GABRR2: variants seen among roughly 807,000 people sequenced by gnomAD.
GABRR2 encodes gamma-aminobutyric acid receptor subunit rho-2.
Under a neutral mutation model 47.0 loss-of-function variants are expected in GABRR2, and 36 were observed. The observed-to-expected ratio is 0.77, with a 90% CI of 0.59 to 1.01. GABRR2 has a LOEUF of 1.01. Ranked by LOEUF, GABRR2 falls within the 50% of genes least tolerant of loss-of-function variation. The probability of loss-of-function intolerance (pLI) is 0.00; values close to 1 mark genes in which losing one functional copy is unlikely to be tolerated. For missense variants in GABRR2, 587 were observed against 594.6 expected (o/e 0.99, Z 0.13); for synonymous variants, 204 against 227.5 (o/e 0.90, Z 0.93).
intron 2 of GABRR2, among the ~76,000 whole-genome samples, chr6:89,296,540 T>G (rs1774556830): frequency 1.3e-5 from 2 of 152,164 alleles, no homozygotes; most frequent in Admixed American, 1.3e-4. Context: ...AGATCTTGAC[T>G]TCTATGGAAG....
At chr6:89,285,571 TTCGGCCGCTCCTCCC>T in intron 2 of GABRR2, among the ~76,000 whole-genome samples, 1 of 152,258 alleles carries the variant, frequency 6.6e-6, no homozygotes, top group Non-Finnish European at 1.5e-5. Flanking sequence ...ATGCAAATTC[TTCGGCCGCTCCTCCC>T]CAGGCCTGAT....
At chr6:89,292,793 ATCG>A in intron 2 of GABRR2, among the ~76,000 whole-genome samples, 1 of 12,036 alleles carries the variant, frequency 8.3e-5, no homozygotes, top group African/African-American at 5.4e-4. Context: ...TATACGATAT[ATCG>A]TATATATCGT....
chr6:89,256,725 C>T lies in GABRR2; in HGVS notation c.*945G>A, dbSNP rs186667081. 1.3e-5 allele frequency among the ~76,000 whole-genome samples: 2 copies of T among 152,256 alleles called. No homozygotes were observed. Among genetic ancestry groups the T allele is most frequent in the African/African-American group, 4.8e-5 (2 of 41,546 alleles). On this transcript the variant is annotated 3_prime_UTR_variant, in exon 9 of 9. Coordinates refer to ENST00000402938, the MANE Select transcript of GABRR2 (RefSeq NM_002043.5). ...GGGCAATCAGCTATAAATCCATGAC[C>T]GACCCCAATAAAAAAACTGTACACC...
chr6:89,265,878 A>G, intron 6 of GABRR2, 113 bp from the exon 7 acceptor site: 1 of 1,010,916 alleles, frequency 9.9e-7, no homozygotes, highest in East Asian at 2.5e-5. Flanking sequence ...AGAAAGTTGA[A>G]ATTAATGACC....
At chr6:89,264,722 G>C in intron 7 of GABRR2, 114 bp from the exon 8 acceptor site, 1 of 1,352,090 alleles carries the variant, frequency 7.4e-7, no homozygotes, top group Non-Finnish European at 1.0e-6. Context: ...AAAGTCCCAG[G>C]TGTGTTTCCA....
intron 2 of GABRR2, 26 bp downstream of exon 2, chr6:89,299,733 C>G (rs542906027): frequency 1.3e-6 from 2 of 1,533,104 alleles, no homozygotes; most frequent in African/African-American, 1.4e-5. Context: ...AACCTCCCAC[C>G]TGGCATCAAG....
chr6:89,288,544 A>G (rs1009989976), intron 2 of GABRR2, among the ~76,000 whole-genome samples: 7 of 152,228 alleles, frequency 4.6e-5, no homozygotes, highest in Non-Finnish European at 4.4e-5. Flanking sequence ...GAGCCCGGTC[A>G]ATCCAATTTG....
chr6:89,311,529 G>T (rs1013656998), intron 1 of GABRR2, among the ~76,000 whole-genome samples: 1 of 152,132 alleles, frequency 6.6e-6, no homozygotes, highest in African/African-American at 2.4e-5. Context: ...TCCTTCCTGA[G>T]CCCCCACCCA....
Position 89,271,719 on chromosome 6 carries a change from G to A in GABRR2, c.224C>T (p.Pro75Leu), listed in dbSNP as rs747786550. The A allele has an allele frequency of 5.0e-6, 8 of 1,611,712 alleles. No homozygotes were observed. Among genetic ancestry groups the A allele is most frequent in the Non-Finnish European group, 6.8e-6 (8 of 1,179,002 alleles). ...TACGTCCACGCCCACCGGGATGGCAGGGCCTGCAGAAGAGCAGAGACAGCT... is the reference window on the plus strand; with the variant it reads ...TACGTCCACGCCCACCGGGATGGCAAGGCCTGCAGAAGAGCAGAGACAGCT... Reference protein sequence around the residue: ...DFSMRPAFGGPAIPVGVDVQV... With the variant: ...DFSMRPAFGGLAIPVGVDVQV... Residue 75 changes from proline to leucine, a missense_variant, in exon 3 of 9, where the codon CCT becomes CTT. Coordinates refer to ENST00000402938, the MANE Select transcript of GABRR2 (RefSeq NM_002043.5).
At chr6:89,275,606 A>G (rs1774144999) in intron 2 of GABRR2, among the ~76,000 whole-genome samples, 1 of 152,218 alleles carries the variant, frequency 6.6e-6, no homozygotes, top group South Asian at 2.1e-4. Context: ...CAAAGTTAAC[A>G]AAACAGGCCA....
intron 8 of GABRR2, among the ~76,000 whole-genome samples, chr6:89,260,786 G>C (rs1773727100): frequency 6.6e-6 from 1 of 152,190 alleles, no homozygotes; most frequent in Admixed American, 6.5e-5. Context: ...ATTTTTAACA[G>C]ACTCAGGAGG....
intron 2 of GABRR2, among the ~76,000 whole-genome samples, chr6:89,280,267 T>C (rs1246149254): frequency 1.4e-5 from 2 of 138,192 alleles, no homozygotes; most frequent in East Asian, 2.1e-4. Flanking sequence ...TACATATACA[T>C]ATACACATAC....
intron 1 of GABRR2, among the ~76,000 whole-genome samples, chr6:89,314,224 A>G (rs886604239): frequency 2.0e-5 from 3 of 152,208 alleles, no homozygotes; most frequent in African/African-American, 7.2e-5. Context: ...TATATTCAAA[A>G]CCACTAGTTT....
chr6:89,269,088 T>C lies in GABRR2; in HGVS notation c.435A>G (p.Arg145=), dbSNP rs770795229. The C allele has an allele frequency of 2.5e-6, 4 of 1,614,000 alleles. No individual in the cohort carries two copies. The highest frequency in any genetic ancestry group is 2.2e-5 in the South Asian group (2 of 91,082). The change falls in exon 4 of 9, where the codon AGA becomes AGG. Residue 145 remains arginine (R), a synonymous_variant. Transcript: ENST00000402938. ...CAGTGGTGGTGTCATGAGTGAACGATCTTTTGGAGTGAACAAAGAAGACAT... is the reference window on the plus strand; with the variant it reads ...CAGTGGTGGTGTCATGAGTGAACGACCTTTTGGAGTGAACAAAGAAGACAT... The part of the protein sequence containing the change: ...VPDVFFVHSK[R]SFTHDTTTDN...
At chr6:89,279,697 C>A (rs867930045) in intron 2 of GABRR2, among the ~76,000 whole-genome samples, 51 of 70,156 alleles carry the variant, frequency 7.3e-4, no homozygotes, top group Admixed American at 1.2e-3. Flanking sequence ...AAAAAAAAAA[C>A]CCCACTGATA....
At chr6:89,280,915 C>T (rs952289041) in intron 2 of GABRR2, among the ~76,000 whole-genome samples, 2 of 152,264 alleles carry the variant, frequency 1.3e-5, no homozygotes, top group African/African-American at 4.8e-5. Context: ...GTGAATTCTT[C>T]AGGCTCTCTC....
chr6:89,264,659 T>C (rs2127828373), intron 7 of GABRR2, 51 bp from the exon 8 acceptor site: 1 of 1,593,786 alleles, frequency 6.3e-7, no homozygotes, highest in Non-Finnish European at 8.6e-7. Context: ...AGAACTGCCC[T>C]CATATCTCAC....
chr6:89,299,938 T>A (rs2127847306), intron 1 of GABRR2, 73 bp from the exon 2 acceptor site: 1 of 979,144 alleles, frequency 1.0e-6, no homozygotes, highest in East Asian at 2.4e-5. Context: ...GGGCTATTAC[T>A]CCCTGCAAGA....
chr6:89,265,567 G>A, intron 7 of GABRR2, 46 bp downstream of exon 7: 2 of 1,555,062 alleles, frequency 1.3e-6, no homozygotes, highest in Non-Finnish European at 1.7e-6. Context: ...ATAGTGATAA[G>A]TTGAAAAAAA....
Sources: allele counts gnomAD v4.1 joint callset (sites outside exome capture counted in the v4.1 genomes callset), GRCh38; gene constraint gnomAD v4.1.1; transcripts MANE v1.5; gene names NCBI Gene and HGNC (gene_info 2026-07-23, HGNC 2026-07-21).